PCDHB13: variants seen among roughly 807,000 people sequenced by gnomAD.
PCDHB13 encodes the protein protocadherin beta 13.
For synonymous variants in PCDHB13, 515 were observed against 450.7 expected (o/e 1.14, Z -1.81); for missense variants, 1,065 against 1,016.7 (o/e 1.05, Z -0.65).
chr5:141,214,948 C>A lies in PCDHB13; in HGVS notation c.825C>A (p.Asn275Lys), dbSNP rs148254417. ...VSATDVDTGV[N>K]GEISYSLFQA... ...CCACGGATGTAGACACAGGAGTCAACGGAGAGATTTCCTATTCACTTTTCC... is the reference window on the plus strand; with the variant it reads ...CCACGGATGTAGACACAGGAGTCAAAGGAGAGATTTCCTATTCACTTTTCC... Residue 275 changes from asparagine to lysine, a missense_variant, in exon 1 of 1, where the codon AAC (asparagine) becomes AAA (lysine). Physicochemically the swap from Asn to Lys is moderately conservative, Grantham distance 94. Coordinates refer to ENST00000341948, the MANE Select transcript of PCDHB13 (RefSeq NM_018933.4). The A allele has an allele frequency of 3.3e-5, 54 of 1,614,020 alleles. No homozygotes were observed. In the South Asian group the frequency reaches 5.5e-4, roughly 16 times the overall value.
chr5:141,216,818 T>G lies in PCDHB13; in HGVS notation c.*298T>G. On this transcript the variant is annotated 3_prime_UTR_variant, in exon 1 of 1. Coordinates refer to ENST00000341948, the MANE Select transcript of PCDHB13 (RefSeq NM_018933.4). ...TTTAGCTGAACTTCACCCACTATTA[T>G]GCTTATGGTAAAATTAAATAGAGCA... 2.4e-6 allele frequency: 1 copy of G among 421,472 alleles called. No individual in the cohort carries two copies. Among genetic ancestry groups the G allele is most frequent in the Non-Finnish European group, 4.5e-6 (1 of 222,326 alleles). The allele number at this position is 421,472 out of a possible 1,614,324, so 26.1% of individuals were successfully genotyped here.
chr5:141,216,526 G>T lies in PCDHB13; in HGVS notation c.*6G>T. 1 of 1,605,010 alleles carries T rather than the reference G, an allele frequency of 6.2e-7. No individual in the cohort carries two copies. The highest frequency in any genetic ancestry group is 8.5e-7 in the Non-Finnish European group (1 of 1,171,820). On this transcript the variant is annotated 3_prime_UTR_variant, in exon 1 of 1. Coordinates refer to ENST00000341948, the MANE Select transcript of PCDHB13 (RefSeq NM_018933.4). ...TTGGGTTCAATATTCAGTGACCATAGTTGACTTTTACATTCCATAGGTATT... is the reference window on the plus strand; with the variant it reads ...TTGGGTTCAATATTCAGTGACCATATTTGACTTTTACATTCCATAGGTATT...
chr5:141,215,471 G>T lies in PCDHB13; in HGVS notation c.1348G>T (p.Ala450Ser). The change falls in exon 1 of 1, where the codon GCC (alanine) becomes TCC (serine). Residue 450 changes from alanine to serine, a missense_variant. Physicochemically the swap from Ala to Ser is moderately conservative, Grantham distance 99. Transcript: ENST00000341948. ...LIADVNDNAP[A>S]FTQTSYTLFV... ...CGCCGATGTCAATGACAACGCTCCC[G>T]CCTTCACCCAAACCTCCTACACCCT... is the stretch of plus-strand genomic sequence containing the variant. 1 of 1,614,064 alleles carries T rather than the reference G, an allele frequency of 6.2e-7. No individual in the cohort carries two copies. Among genetic ancestry groups the T allele is most frequent in the Non-Finnish European group, 8.5e-7 (1 of 1,180,028 alleles).
Position 141,214,982 on chromosome 5 carries a change from G to A in PCDHB13, c.859G>A (p.Glu287Lys). 6.2e-7 allele frequency: 1 copy of A among 1,614,130 alleles called. No individual in the cohort carries two copies. The change falls in exon 1 of 1, where the codon GAA becomes AAA. Residue 287 changes from glutamate to lysine, a missense_variant. By Grantham distance (56) the Glu-to-Lys change is moderately conservative. Coordinates refer to ENST00000341948, the MANE Select transcript of PCDHB13 (RefSeq NM_018933.4). ...TTCCTATTCACTTTTCCAAGCTTCA[G>A]AAGAGATTGGCAAAACCTTTAAGAT... ...EISYSLFQAS[E>K]EIGKTFKINP...
chr5:141,216,169 G>A lies in PCDHB13; in HGVS notation c.2046G>A (p.Gln682=). The stretch of plus-strand genomic sequence containing the variant: ...CGGAGGCGGCCCCGACCCAGGCCCA[G>A]GCCGACTTGCTCACCGTCTACCTGG... The part of the protein sequence containing the change: ...PLPEAAPTQA[Q]ADLLTVYLVV... The change falls in exon 1 of 1, where the codon CAG becomes CAA. Residue 682 remains glutamine, a synonymous_variant. Transcript: ENST00000341948. 6.2e-7 allele frequency: 1 copy of A among 1,612,274 alleles called. No individual in the cohort carries two copies. Among genetic ancestry groups the A allele is most frequent in the Non-Finnish European group, 8.5e-7 (1 of 1,179,838 alleles).
chr5:141,215,609 C>T lies in PCDHB13; in HGVS notation c.1486C>T (p.Pro496Ser), dbSNP rs1554287968. The change falls in exon 1 of 1, where the codon CCG becomes TCG. Residue 496 changes from proline to serine, a missense_variant. Physicochemically the swap from Pro to Ser is moderately conservative, Grantham distance 74. Coordinates refer to ENST00000341948, the MANE Select transcript of PCDHB13 (RefSeq NM_018933.4). Reference sequence around the variant, plus strand: ...CTACTCGCTGCTGCCGCCCCAGGACCCGCACCTGCCCCTCACATCCCTGGT... The same window carrying T: ...CTACTCGCTGCTGCCGCCCCAGGACTCGCACCTGCCCCTCACATCCCTGGT... Reference protein sequence around the residue: ...VTYSLLPPQDPHLPLTSLVSI... With the variant: ...VTYSLLPPQDSHLPLTSLVSI... 2 of 1,613,480 alleles carry T rather than the reference C, an allele frequency of 1.2e-6. No individual in the cohort carries two copies. The highest frequency in any genetic ancestry group is 2.2e-5 in the South Asian group (2 of 91,040).
chr5:141,216,149 G>C lies in PCDHB13; in HGVS notation c.2026G>C (p.Ala676Pro), dbSNP rs1554288117. ...CCAGCCCTACCTGCCTCTCCCGGAGGCGGCCCCGACCCAGGCCCAGGCCGA... is the reference window on the plus strand; with the variant it reads ...CCAGCCCTACCTGCCTCTCCCGGAGCCGGCCCCGACCCAGGCCCAGGCCGA... ...FSQPYLPLPEAAPTQAQADLL... is the reference protein window; with the variant it reads ...FSQPYLPLPEPAPTQAQADLL... Residue 676 changes from alanine to proline, a missense_variant, in exon 1 of 1, where the codon GCG (alanine) becomes CCG (proline). Physicochemically the swap from Ala to Pro is conservative, Grantham distance 27. Transcript: ENST00000341948. 2 of 1,611,470 alleles carry C rather than the reference G, an allele frequency of 1.2e-6. No homozygotes were observed. Among genetic ancestry groups the C allele is most frequent in the South Asian group, 2.2e-5 (2 of 91,014 alleles).
Position 141,215,571 on chromosome 5 carries a change from A to G in PCDHB13, c.1448A>G (p.Asn483Ser). ...GCTACAGACAGAGACTCAGGCACCA[A>G]CGCCCAGGTCACCTACTCGCTGCTG... ...VSATDRDSGT[N>S]AQVTYSLLPP... The change falls in exon 1 of 1, where the codon AAC becomes AGC. Residue 483 changes from asparagine (N) to serine (S), a missense_variant. Coordinates refer to ENST00000341948, the MANE Select transcript of PCDHB13 (RefSeq NM_018933.4). The G allele has an allele frequency of 6.2e-7, 1 of 1,613,466 alleles. No individual in the cohort carries two copies. Among genetic ancestry groups the G allele is most frequent in the Non-Finnish European group, 8.5e-7 (1 of 1,179,946 alleles).
In PCDHB13 at chr5:141,215,545, C is replaced by A; in HGVS notation, c.1422C>A (p.Ser474Arg). The A allele has an allele frequency of 1.9e-6, 3 of 1,613,824 alleles. No individual in the cohort carries two copies. The highest frequency in any genetic ancestry group is 1.7e-5 in the Admixed American group (1 of 60,022). Residue 474 changes from serine to arginine, a missense_variant, in exon 1 of 1, where the codon AGC becomes AGA. Transcript: ENST00000341948. The part of the protein sequence containing the change: ...NSPALHIRSV[S>R]ATDRDSGTNA... ...CCGCCCTGCACATCCGCAGCGTCAG[C>A]GCTACAGACAGAGACTCAGGCACCA...
Position 141,215,846 on chromosome 5 carries a change from C to A in PCDHB13, c.1723C>A (p.Leu575Met), listed in dbSNP as rs551239873. 12 of 1,608,858 alleles carry A rather than the reference C, an allele frequency of 7.5e-6. No homozygotes were observed. The East Asian group carries it at 2.7e-4, about 36-fold the overall frequency. The change falls in exon 1 of 1, where the codon CTG becomes ATG. Residue 575 changes from leucine to methionine, a missense_variant. Coordinates refer to ENST00000341948, the MANE Select transcript of PCDHB13 (RefSeq NM_018933.4). ...GAACGGCTCCGCGCCCTGCACCGAG[C>A]TGGTGCCCCGGGCGGCCGAGCCGGG... The part of the protein sequence containing the change: ...LQNGSAPCTE[L>M]VPRAAEPGYL...
Position 141,216,605 on chromosome 5 carries a change from T to C in PCDHB13, c.*85T>C, listed in dbSNP as rs782641899. 1.7e-6 allele frequency: 2 copies of C among 1,143,586 alleles called. No homozygotes were observed. The highest frequency in any genetic ancestry group is 2.7e-6 in the Non-Finnish European group (2 of 750,364). 70.8% of individuals were successfully genotyped at this position (1,143,586 alleles called of 1,614,324 possible). A position where few individuals can be genotyped will look rare whatever the true frequency, so the allele number is the denominator to read the frequency against. ...TTATTTCCCCCAATTTGTGTGTATG[T>C]AATATTGTACGGATTTACTCTTGAT... is the stretch of plus-strand genomic sequence containing the variant. On this transcript the variant is annotated 3_prime_UTR_variant, in exon 1 of 1. Coordinates refer to ENST00000341948, the MANE Select transcript of PCDHB13 (RefSeq NM_018933.4).
rs782022356 is a variant in PCDHB13 at position 141,216,377 on chromosome 5, G to A, written c.2254G>A (p.Glu752Lys). The change falls in exon 1 of 1, where the codon GAG becomes AAG. Residue 752 changes from glutamate (E) to lysine (K), a missense_variant. By Grantham distance (56) the Glu-to-Lys change is moderately conservative. Transcript: ENST00000341948. ...TRTLSQSYQY[E>K]VCLAGGSGTN... is the part of the protein sequence containing the mutation. Reference sequence around the variant, plus strand: ...GACCCTATCCCAGAGCTACCAGTATGAGGTGTGTCTGGCAGGAGGCTCAGG... The same window carrying A: ...GACCCTATCCCAGAGCTACCAGTATAAGGTGTGTCTGGCAGGAGGCTCAGG... The A allele has an allele frequency of 4.3e-6, 7 of 1,614,060 alleles. No homozygotes were observed. The Admixed American group carries it at 1.0e-4, about 23-fold the overall frequency.
rs782569715 is a variant in PCDHB13, at chr5:141,215,030, G to C, written c.907G>C (p.Glu303Gln). The C allele has an allele frequency of 1.1e-5, 17 of 1,613,442 alleles. No homozygotes were observed. The highest frequency in any genetic ancestry group is 1.3e-5 in the African/African-American group (1 of 74,938). ...FKINPLTGEI[E>Q]LKKQLDFEKL... The stretch of plus-strand genomic sequence containing the variant: ...GATCAATCCCTTGACAGGAGAAATT[G>C]AACTAAAAAAACAACTCGATTTCGA... Residue 303 changes from glutamate (E) to glutamine (Q), a missense_variant, in exon 1 of 1, where the codon GAA (glutamate) becomes CAA (glutamine). Physicochemically the swap from Glu to Gln is conservative, Grantham distance 29. Coordinates refer to ENST00000341948, the MANE Select transcript of PCDHB13 (RefSeq NM_018933.4).
rs1378984188 is a variant in PCDHB13, at chr5:141,217,645, AG to A, written c.*1126del. ...GTTCTAATTTTAAAAAAATTTTCAA[AG>A]CATTGTAGGGGAGTAGCTTTGTCTC... On this transcript the variant is annotated 3_prime_UTR_variant, in exon 1 of 1. Coordinates refer to ENST00000341948, the MANE Select transcript of PCDHB13 (RefSeq NM_018933.4). 1 of 167,006 alleles carries A rather than the reference AG, an allele frequency of 6.0e-6. No homozygotes were observed. Among genetic ancestry groups the A allele is most frequent in the Non-Finnish European group, 1.5e-5 (1 of 68,120 alleles). 10.3% of individuals were successfully genotyped at this position (167,006 alleles called of 1,614,324 possible). A position where few individuals can be genotyped will look rare whatever the true frequency, so the allele number is the denominator to read the frequency against.
chr5:141,215,465 G>C lies in PCDHB13; in HGVS notation c.1342G>C (p.Ala448Pro), dbSNP rs560843627. The change falls in exon 1 of 1, where the codon GCT becomes CCT. Residue 448 changes from alanine to proline, a missense_variant. Ala to Pro is a conservative substitution (Grantham distance 27). Transcript: ENST00000341948. ...TVLIADVNDNAPAFTQTSYTL... is the reference protein window; with the variant it reads ...TVLIADVNDNPPAFTQTSYTL... ...GCTGATCGCCGATGTCAATGACAAC[G>C]CTCCCGCCTTCACCCAAACCTCCTA... 1.2e-6 allele frequency: 2 copies of C among 1,614,044 alleles called. No individual in the cohort carries two copies. The highest frequency in any genetic ancestry group is 2.2e-5 in the East Asian group (1 of 44,868).
Position 141,214,310 on chromosome 5 carries a change from C to T in PCDHB13, c.187C>T (p.Arg63Trp), listed in dbSNP as rs781985277. The T allele has an allele frequency of 2.4e-5, 35 of 1,471,190 alleles. No individual in the cohort carries two copies. Among genetic ancestry groups the T allele is most frequent in the Non-Finnish European group, 2.7e-5 (29 of 1,065,086 alleles). 91.1% of individuals were successfully genotyped at this position (1,471,190 alleles called of 1,614,324 possible). ...LGLEQREFSR[R>W]GVRVVSRGNK... ...TCTGGAGCAGAGGGAATTCTCCAGG[C>T]GGGGGGTTAGGGTTGTTTCCAGAGG... is the stretch of plus-strand genomic sequence containing the variant. The change falls in exon 1 of 1, where the codon CGG becomes TGG. Residue 63 changes from arginine (R) to tryptophan (W), a missense_variant. Coordinates refer to ENST00000341948, the MANE Select transcript of PCDHB13 (RefSeq NM_018933.4).
Position 141,216,230 on chromosome 5 carries a change from T to C in PCDHB13, c.2107T>C (p.Phe703Leu), listed in dbSNP as rs17844618. Residue 703 changes from phenylalanine to leucine, a missense_variant, in exon 1 of 1, where the codon TTT becomes CTT. Transcript: ENST00000341948. The stretch of plus-strand genomic sequence containing the variant: ...GGCCTCGGTGTCTTCGCTCTTCCTC[T>C]TTTCGGTGCTCCTGTTCGTGGCGGT... ...ALASVSSLFL[F>L]SVLLFVAVRL... is the part of the protein sequence containing the mutation. 0.16 allele frequency: 260,519 copies of C among 1,613,016 alleles called. 22,229 individuals are homozygous for C. Among genetic ancestry groups the C allele is most frequent in the Middle Eastern group, 0.2 (1,101 of 5,438 alleles).
At position 141,216,570 on chromosome 5, in the gene PCDHB13, A is replaced by G; in HGVS notation, c.*50A>G. 1 of 1,437,186 alleles carries G rather than the reference A, an allele frequency of 7.0e-7. No homozygotes were observed. The highest frequency in any genetic ancestry group is 9.8e-7 in the Non-Finnish European group (1 of 1,018,414). The allele number at this position is 1,437,186 out of a possible 1,614,324, so 89.0% of individuals were successfully genotyped here. A position where few individuals can be genotyped will look rare whatever the true frequency, so the allele number is the denominator to read the frequency against. Reference sequence around the variant, plus strand: ...AGGTATTTTATTTTGTGGCATTTCCATGCCAATGTTTATTTCCCCCAATTT... The same window carrying G: ...AGGTATTTTATTTTGTGGCATTTCCGTGCCAATGTTTATTTCCCCCAATTT... On this transcript the variant is annotated 3_prime_UTR_variant, in exon 1 of 1. Coordinates refer to ENST00000341948, the MANE Select transcript of PCDHB13 (RefSeq NM_018933.4).
At position 141,216,506 on chromosome 5, in the gene PCDHB13, T is replaced by C; in HGVS notation, c.2383T>C (p.Phe795Leu). The change falls in exon 1 of 1, where the codon TTC (phenylalanine) becomes CTC (leucine). Residue 795 changes from phenylalanine (F) to leucine (L), a missense_variant. Physicochemically the swap from Phe to Leu is conservative, Grantham distance 22. Coordinates refer to ENST00000341948, the MANE Select transcript of PCDHB13 (RefSeq NM_018933.4). Reference sequence around the variant, plus strand: ...TTCTACCTTCCCCAATAACTTTGGGTTCAATATTCAGTGACCATAGTTGAC... The same window carrying C: ...TTCTACCTTCCCCAATAACTTTGGGCTCAATATTCAGTGACCATAGTTGAC... ...GNSTFPNNFGFNIQ is the reference protein window; with the variant it reads ...GNSTFPNNFGLNIQ 6.2e-7 allele frequency: 1 copy of C among 1,612,372 alleles called. No homozygotes were observed. Among genetic ancestry groups the C allele is most frequent in the South Asian group, 1.1e-5 (1 of 90,956 alleles).
Sources: gnomAD v4.1 joint callset for allele counts on GRCh38, gnomAD v4.1.1 for gene constraint, MANE v1.5 for transcripts, NCBI Gene and HGNC (gene_info 2026-07-23, HGNC 2026-07-21) for gene names.